The following TRIM16 variants were observed in gnomAD, a reference collection of about 807,000 sequenced individuals.
TRIM16 encodes tripartite motif containing 16.
TRIM16 carries 33 observed loss-of-function variants against 50.4 expected under a neutral mutation model. That is an observed-to-expected ratio of 0.65 (90% CI 0.50 to 0.88). The LOEUF (loss-of-function observed/expected upper bound fraction) is 0.88, where lower values mean the gene tolerates loss of function less well. Among genes scored for constraint, TRIM16 ranks in the 40% least tolerant of loss-of-function variants. The probability of loss-of-function intolerance (pLI) is 0.00; values close to 1 mark genes in which losing one functional copy is unlikely to be tolerated. For synonymous variants in TRIM16, 229 were observed against 270.7 expected, an observed-to-expected ratio of 0.85 and a Z score of 1.51; for missense variants, 581 against 686.8, an observed-to-expected ratio of 0.85 and a Z score of 1.72.
intron 8 of TRIM16, among the ~76,000 whole-genome samples, chr17:15,637,872 C>T (rs1341486994): frequency 1.5e-5 from 2 of 136,404 alleles, no homozygotes; most frequent in Non-Finnish European, 3.2e-5. Flanking sequence ...AAGAAGTAGA[C>T]ATGGGAGACT....
chr17:15,651,245 G>A lies in TRIM16; in HGVS notation c.365C>T (p.Pro122Leu), dbSNP rs945420249. 6.2e-7 allele frequency: 1 copy of A among 1,614,256 alleles called. No homozygotes were observed. Among genetic ancestry groups the A allele is most frequent in the Non-Finnish European group, 8.5e-7 (1 of 1,180,046 alleles). ...GTATCGCCAGTTGTGGTCCTTCACT[G>A]GCTCGGTCAGCAGGTGGCTTTGCAG... ...IKLQSHLLTE[P>L]VKDHNWRYCP... Residue 122 changes from proline (P) to leucine (L), a missense_variant, in exon 7 of 12, where the codon CCA becomes CTA. Coordinates refer to ENST00000649191, the MANE Select transcript of TRIM16 (RefSeq NM_001348119.1).
At chr17:15,650,768 C>A (rs953127314) in intron 7 of TRIM16, among the ~76,000 whole-genome samples, 1 of 152,188 alleles carries the variant, frequency 6.6e-6, no homozygotes, top group Non-Finnish European at 1.5e-5. Context: ...ACAACTTCTG[C>A]ACCCTCCACC....
At position 15,684,301 on chromosome 17, in the gene TRIM16, G is replaced by A. The variant is rs1376597604; in HGVS notation, c.-1004C>T. ...ACGCGCGGAGATCCTCCAGAGAAAG[G>A]GGCCGGAAACGGAAGTGCGCGCCGA... On this transcript the variant is annotated 5_prime_UTR_variant, in exon 1 of 12. Transcript: ENST00000649191. 1 of 152,254 alleles carries A rather than the reference G, an allele frequency of 6.6e-6. No individual in the cohort carries two copies. Among genetic ancestry groups the A allele is most frequent in the East Asian group, 1.9e-4 (1 of 5,204 alleles). The allele number at this position is 152,254 out of a possible 1,614,324, so 9.4% of individuals were successfully genotyped here.
chr17:15,647,103 A>AT (rs1987425268), intron 7 of TRIM16, among the ~76,000 whole-genome samples: 1 of 150,124 alleles, frequency 6.7e-6, no homozygotes, highest in Non-Finnish European at 1.5e-5. Flanking sequence ...AGTAGTTGGG[A>AT]TTATAGGCGC....
At chr17:15,675,169 G>A (rs531688295) in intron 6 of TRIM16, among the ~76,000 whole-genome samples, 309 of 152,184 alleles carry the variant, frequency 2.0e-3, no homozygotes, top group Non-Finnish European at 2.1e-3. Context: ...GAGTCTATTA[G>A]GCTAGTCCAG....
chr17:15,654,640 TAG>T (rs1391020439), intron 6 of TRIM16, among the ~76,000 whole-genome samples: 1 of 152,326 alleles, frequency 6.6e-6, no homozygotes, highest in East Asian at 1.9e-4. Flanking sequence ...GCAAGGTCAC[TAG>T]GCAGATAAAC....
At chr17:15,671,654 A>G (rs1988735220) in intron 6 of TRIM16, among the ~76,000 whole-genome samples, 1 of 152,200 alleles carries the variant, frequency 6.6e-6, no homozygotes, top group African/African-American at 2.4e-5. Context: ...TAAAATCAGC[A>G]ACGAAAGCCC....
chr17:15,631,460 T>TA (rs1176866820), intron 11 of TRIM16, among the ~76,000 whole-genome samples, 159 bp downstream of exon 11: 1 of 152,182 alleles, frequency 6.6e-6, no homozygotes, highest in African/African-American at 2.4e-5. Flanking sequence ...AATGAAAAGT[T>TA]AAAAAAATTG....
In TRIM16 at chr17:15,639,823, C is replaced by T. The variant is rs1170428932; in HGVS notation, c.615+2898G>A. 1.3e-5 allele frequency among the ~76,000 whole-genome samples: 2 copies of T among 149,084 alleles called. 1 individual carries two copies. Among genetic ancestry groups the T allele is most frequent in the Non-Finnish European group, 3.0e-5 (2 of 67,124 alleles). On this transcript the variant is annotated intron_variant, in intron 8 of 11. Transcript: ENST00000649191. The stretch of plus-strand genomic sequence containing the variant: ...CCACCCAGGCCCCCCAAGTGGCAAA[C>T]CTGCTGCCTGGGGCTCTGCCAGGTA...
Position 15,651,678 on chromosome 17 carries a change from G to T in TRIM16, c.-69C>A. ...CCCAGGATCTGTGCAGCCCAAGTCAGACAAGAGAACCACGCCTAGATGATT... is the reference window on the plus strand; with the variant it reads ...CCCAGGATCTGTGCAGCCCAAGTCATACAAGAGAACCACGCCTAGATGATT... On this transcript the variant is annotated 5_prime_UTR_variant, in exon 7 of 12. In the 5' UTR this introduces an upstream ATG that the reference lacks. Coordinates refer to ENST00000649191, the MANE Select transcript of TRIM16 (RefSeq NM_001348119.1). The T allele has an allele frequency of 6.4e-7, 1 of 1,565,036 alleles. No individual in the cohort carries two copies. Among genetic ancestry groups the T allele is most frequent in the South Asian group, 1.2e-5 (1 of 86,660 alleles).
intron 6 of TRIM16, among the ~76,000 whole-genome samples, chr17:15,666,235 C>A (rs1988494738): frequency 6.6e-6 from 1 of 152,154 alleles, no homozygotes; most frequent in Non-Finnish European, 1.5e-5. Flanking sequence ...GAAAGCTTTT[C>A]ATTTATGTAT....
chr17:15,634,645 A>AT (rs1459692823), intron 9 of TRIM16, among the ~76,000 whole-genome samples: 7,011 of 143,634 alleles, frequency 0.049, 974 homozygotes, highest in African/African-American at 0.18. Context: ...AAAAAAAAAA[A>AT]ACAAATAAAA....
chr17:15,655,718 G>C (rs774516156), intron 6 of TRIM16, among the ~76,000 whole-genome samples: 1 of 151,974 alleles, frequency 6.6e-6, no homozygotes, highest in African/African-American at 2.4e-5. Context: ...GGGACTACAC[G>C]CACCCACCAC....
intron 6 of TRIM16, among the ~76,000 whole-genome samples, chr17:15,676,800 T>G (rs1329248816): frequency 2.0e-5 from 3 of 152,146 alleles, no homozygotes; most frequent in Non-Finnish European, 2.9e-5. Context: ...TATGTCAATT[T>G]TATATCCTTA....
Position 15,631,974 on chromosome 17 carries a change from T to A in TRIM16, c.1016-260A>T, listed in dbSNP as rs1282133145. On this transcript the variant is annotated intron_variant, in intron 10 of 11. Coordinates refer to ENST00000649191, the MANE Select transcript of TRIM16 (RefSeq NM_001348119.1). ...CAACCTGGGAAGCTAGTCACAGAAA[T>A]GCCAGCCGATCGCATAATATAAGCA... is the stretch of plus-strand genomic sequence containing the variant. 5 of 510,014 alleles carry A rather than the reference T, an allele frequency of 9.8e-6. No individual in the cohort carries two copies. The East Asian group carries it at 1.4e-4, about 15-fold the overall frequency. The allele number at this position is 510,014 out of a possible 1,614,324, so 31.6% of individuals were successfully genotyped here. A position where few individuals can be genotyped will look rare whatever the true frequency, so the allele number is the denominator to read the frequency against.
chr17:15,633,749 T>C (rs1038452290), intron 9 of TRIM16, among the ~76,000 whole-genome samples: 5 of 149,976 alleles, frequency 3.3e-5, no homozygotes, highest in African/African-American at 9.8e-5. Flanking sequence ...ACCATGTTGG[T>C]CAGGCTGGTC....
intron 6 of TRIM16, among the ~76,000 whole-genome samples, chr17:15,662,692 T>C (rs890985791): frequency 2.0e-5 from 3 of 152,216 alleles, no homozygotes; most frequent in Admixed American, 1.3e-4. Flanking sequence ...TGACTACACA[T>C]TCTGTGCAGG....
chr17:15,677,302 G>A, intron 5 of TRIM16, 22 bp from the exon 6 acceptor site: 1 of 984,688 alleles, frequency 1.0e-6, no homozygotes, highest in South Asian at 4.7e-5. Flanking sequence ...CAAACAGAAT[G>A]TAATTTTAAG....
chr17:15,645,752 C>T (rs1987343364), intron 7 of TRIM16, among the ~76,000 whole-genome samples: 1 of 152,204 alleles, frequency 6.6e-6, no homozygotes, highest in Non-Finnish European at 1.5e-5. Context: ...CTCGCCTCTC[C>T]AGGACACTGC....
Sources: allele counts gnomAD v4.1 joint callset (sites outside exome capture counted in the v4.1 genomes callset), GRCh38; gene constraint gnomAD v4.1.1; transcripts MANE v1.5; gene names NCBI Gene and HGNC (gene_info 2026-07-23, HGNC 2026-07-21).